The following SPICE1 variants were observed in gnomAD, a reference collection of about 807,000 sequenced individuals.
The protein encoded by SPICE1 is spindle and centriole associated protein 1, also known as spindle and centriole-associated protein 1.
SPICE1 carries 75 observed loss-of-function variants against 102.7 expected under a neutral mutation model. That is an observed-to-expected ratio of 0.73 (90% CI 0.61 to 0.88). The LOEUF is 0.88. Among genes scored for constraint, SPICE1 ranks in the 40% least tolerant of loss-of-function variants. The pLI, the probability that SPICE1 is intolerant of heterozygous loss-of-function variation, is 0.00. For synonymous variants in SPICE1, 308 were observed against 350.3 expected (o/e 0.88, Z 1.35); for missense variants, 979 against 1,020.1 (o/e 0.96, Z 0.55).
intron 15 of SPICE1, among the ~76,000 whole-genome samples, chr3:113,448,439 A>AAG (rs2107440508): frequency 6.6e-6 from 1 of 152,216 alleles, no homozygotes; most frequent in Non-Finnish European, 1.5e-5. Flanking sequence ...GCTAGCCCTA[A>AAG]AGAGCTTGAG....
chr3:113,463,950 C>T (rs1472865726), intron 11 of SPICE1, among the ~76,000 whole-genome samples: 3 of 152,102 alleles, frequency 2.0e-5, no homozygotes, highest in African/African-American at 7.2e-5. Flanking sequence ...CGCCTGTAGT[C>T]CCAGCTACTC....
At chr3:113,481,357 TATG>T (rs1319747687) in intron 7 of SPICE1, among the ~76,000 whole-genome samples, 1 of 151,402 alleles carries the variant, frequency 6.6e-6, no homozygotes, top group East Asian at 1.9e-4. Context: ...GCAAACTCTA[TATG>T]AGAGAAATGT....
Position 113,445,060 on chromosome 3 carries a change from T to G in SPICE1, c.*247A>C. ...ACCCTTAAAATACTTAAGAAAGTAT[T>G]AAAATACAAAACTTTAACTTCTCTA... On this transcript the variant is annotated 3_prime_UTR_variant, in exon 18 of 18. Coordinates refer to ENST00000295872, the MANE Select transcript of SPICE1 (RefSeq NM_144718.4). 1 of 323,756 alleles carries G rather than the reference T, an allele frequency of 3.1e-6. No homozygotes were observed. The highest frequency in any genetic ancestry group is 1.1e-4 in the South Asian group (1 of 8,988). 20.1% of individuals were successfully genotyped at this position (323,756 alleles called of 1,614,324 possible).
In SPICE1 at chr3:113,468,172, G is replaced by C; in HGVS notation, c.1122C>G (p.Ser374Arg). The change falls in exon 10 of 18, where the codon AGC becomes AGG. Residue 374 changes from serine to arginine, a missense_variant. Coordinates refer to ENST00000295872, the MANE Select transcript of SPICE1 (RefSeq NM_144718.4). ...GGTACCGAACCAGGCGACAGAGGGA[G>C]CTCACCAGCGACAAAGTGAAGCCTG... ...GLTGFTLSLV[S>R]SLCRLVRYLK... 6.2e-7 allele frequency: 1 copy of C among 1,614,172 alleles called. No individual in the cohort carries two copies. The highest frequency in any genetic ancestry group is 8.5e-7 in the Non-Finnish European group (1 of 1,180,026).
intron 1 of SPICE1, among the ~76,000 whole-genome samples, chr3:113,512,405 C>CTTTTTTTTTTT (rs34015506): frequency 9.6e-6 from 1 of 104,410 alleles, no homozygotes; most frequent in Non-Finnish European, 1.9e-5. Context: ...GAAAAGCTTT[C>CTTTTTTTTTTT]TTTTTTTTTT....
chr3:113,503,855 C>T (rs1404862778), intron 2 of SPICE1, among the ~76,000 whole-genome samples: 1 of 149,648 alleles, frequency 6.7e-6, no homozygotes. Context: ...ATCACTTGAA[C>T]CTAGGAGGTG....
At chr3:113,491,309 T>C (rs1936758530) in intron 6 of SPICE1, among the ~76,000 whole-genome samples, 1 of 152,196 alleles carries the variant, frequency 6.6e-6, no homozygotes, top group African/African-American at 2.4e-5. Context: ...CAATTCATTT[T>C]TTCTTGGTGA....
chr3:113,503,345 C>A, intron 2 of SPICE1, 118 bp from the exon 3 acceptor site: 1 of 946,930 alleles, frequency 1.1e-6, no homozygotes. Context: ...AAAATTCTTT[C>A]TTTCTAGGAA....
chr3:113,511,037 A>T (rs532509788), intron 1 of SPICE1, among the ~76,000 whole-genome samples: 145 of 152,376 alleles, frequency 9.5e-4, no homozygotes, highest in Non-Finnish European at 1.5e-3. Flanking sequence ...CGTTAGAGAA[A>T]TGCAAATCAA....
chr3:113,494,152 T>G lies in SPICE1; in HGVS notation c.292-10A>C, dbSNP rs1357021251. ...ATTGATCAGAAAGAATCTAGACATG[T>G]GTTAATGACAAATATTATTATTCAG... On this transcript the variant is annotated splice_polypyrimidine_tract_variant and intron_variant, in intron 4 of 17. Coordinates refer to ENST00000295872, the MANE Select transcript of SPICE1 (RefSeq NM_144718.4). The G allele has an allele frequency of 1.3e-6, 2 of 1,534,760 alleles. No individual in the cohort carries two copies. Among genetic ancestry groups the G allele is most frequent in the Non-Finnish European group, 1.8e-6 (2 of 1,120,114 alleles).
chr3:113,476,421 T>G (rs1213392827), intron 7 of SPICE1, among the ~76,000 whole-genome samples: 1 of 150,580 alleles, frequency 6.6e-6, no homozygotes, highest in South Asian at 2.1e-4. Context: ...CTTCACAGAA[T>G]TGGAAAAAAC....
intron 7 of SPICE1, among the ~76,000 whole-genome samples, chr3:113,486,067 C>T (rs904015355): frequency 4.0e-5 from 6 of 151,430 alleles, no homozygotes; most frequent in South Asian, 2.1e-4. Context: ...GCCAAGATGG[C>T]GACACTGCAC....
At chr3:113,485,016 C>A (rs1457194500) in intron 7 of SPICE1, among the ~76,000 whole-genome samples, 3 of 152,184 alleles carry the variant, frequency 2.0e-5, no homozygotes, top group Middle Eastern at 6.8e-3. Flanking sequence ...GCCTGAGGAA[C>A]CTTGCACTCT....
intron 1 of SPICE1, among the ~76,000 whole-genome samples, chr3:113,510,593 C>T (rs913474970): frequency 9.9e-5 from 15 of 152,130 alleles, no homozygotes; most frequent in Non-Finnish European, 2.2e-4. Context: ...GGACCCCTTC[C>T]TTACACCATA....
chr3:113,447,656 C>T (rs1353506726), intron 16 of SPICE1, among the ~76,000 whole-genome samples: 2 of 152,136 alleles, frequency 1.3e-5, no homozygotes, highest in Non-Finnish European at 2.9e-5. Flanking sequence ...TCACTATTTA[C>T]CAATCATATG....
intron 15 of SPICE1, chr3:113,450,094 T>G (rs1261094929): frequency 3.8e-6 from 2 of 523,408 alleles, no homozygotes; most frequent in Non-Finnish European, 6.9e-6. Flanking sequence ...GTACGATAAT[T>G]TAGGAACTCA....
chr3:113,475,077 T>A (rs1048101519), intron 7 of SPICE1, among the ~76,000 whole-genome samples: 4 of 151,844 alleles, frequency 2.6e-5, no homozygotes, highest in Non-Finnish European at 5.9e-5. Flanking sequence ...ATCAAATAGA[T>A]GCAATAAAAA....
chr3:113,498,025 C>T (rs1278479765), intron 4 of SPICE1, among the ~76,000 whole-genome samples: 3 of 152,000 alleles, frequency 2.0e-5, no homozygotes, highest in Non-Finnish European at 2.9e-5. Context: ...TACAGGCACC[C>T]GCCATCATGC....
chr3:113,494,193 C>A, intron 4 of SPICE1, 51 bp from the exon 5 acceptor site: 1 of 1,320,886 alleles, frequency 7.6e-7, no homozygotes, highest in South Asian at 1.3e-5. Flanking sequence ...ATTTACTTTT[C>A]AAATCGCAAA....
Sources: allele counts gnomAD v4.1 joint callset (sites outside exome capture counted in the v4.1 genomes callset), GRCh38; gene constraint gnomAD v4.1.1; transcripts MANE v1.5; gene names NCBI Gene and HGNC (gene_info 2026-07-23, HGNC 2026-07-21).